Variants in ACSS2 observed in about 807,000 individuals in gnomAD.
ACSS2 encodes acyl-CoA synthetase short chain family member 2.
In ACSS2, 58 loss-of-function variants were observed where a neutral mutation model predicts 90.6. The observed-to-expected ratio is 0.64, with a 90% CI of 0.52 to 0.80. ACSS2 has a LOEUF of 0.80. Ranked by LOEUF, ACSS2 falls within the 30% of genes least tolerant of loss-of-function variation. The pLI, the probability that ACSS2 is intolerant of heterozygous loss-of-function variation, is 0.00. For synonymous variants in ACSS2, 300 were observed against 330.9 expected (o/e 0.91, Z 1.01); for missense variants, 759 against 912.0 (o/e 0.83, Z 2.16).
chr20:34,906,117 C>T (rs536396774), intron 2 of ACSS2, among the ~76,000 whole-genome samples: 29 of 152,262 alleles, frequency 1.9e-4, no homozygotes, highest in Non-Finnish European at 2.6e-4. Flanking sequence ...GGGTGGATCA[C>T]AAGGTCAAGA....
upstream of ACSS2, chr20:34,875,280 G>A: frequency 2.2e-6 from 1 of 458,410 alleles, no homozygotes; most frequent in South Asian, 1.6e-5. Flanking sequence ...GGAAAGAAGA[G>A]AATGTGGGCC....
Position 34,913,766 on chromosome 20 carries a change from C to A in ACSS2, c.584C>A (p.Ser195Tyr), listed in dbSNP as rs371982555. 2.5e-6 allele frequency: 4 copies of A among 1,614,128 alleles called. No individual in the cohort carries two copies. Among genetic ancestry groups the A allele is most frequent in the Non-Finnish European group, 3.4e-6 (4 of 1,179,990 alleles). ...ALHSIVFAGF[S>Y]SESLCERILD... ...TCCCTTCCCTAGTTTGCAGGCTTCT[C>A]TTCAGAGTCTCTATGTGAACGGATC... Residue 195 changes from serine to tyrosine, a missense_variant, in exon 5 of 18, where the codon TCT becomes TAT. Coordinates refer to ENST00000360596, the MANE Select transcript of ACSS2 (RefSeq NM_018677.4).
At chr20:34,877,797 C>T (rs1285498139) in intron 1 of ACSS2, among the ~76,000 whole-genome samples, 5 of 120,450 alleles carry the variant, frequency 4.2e-5, no homozygotes, top group Non-Finnish European at 7.9e-5. Flanking sequence ...CCAGCCTGGG[C>T]GACAGAGCAA....
chr20:34,879,520 C>CACACAT (rs1396824923), intron 1 of ACSS2, among the ~76,000 whole-genome samples: 5 of 106,906 alleles, frequency 4.7e-5, no homozygotes, highest in African/African-American at 2.4e-4. Flanking sequence ...CACACACACA[C>CACACAT]ACACACACCC....
Position 34,925,737 on chromosome 20 carries a change from G to C in ACSS2, c.1697G>C (p.Gly566Ala). The C allele has an allele frequency of 6.2e-7, 1 of 1,613,572 alleles. No individual in the cohort carries two copies. The highest frequency in any genetic ancestry group is 8.5e-7 in the Non-Finnish European group (1 of 1,179,830). The change falls in exon 15 of 18, where the codon GGC becomes GCC. Residue 566 changes from glycine to alanine, a missense_variant. Physicochemically the swap from Gly to Ala is moderately conservative, Grantham distance 60 (BLOSUM62 0). Coordinates refer to ENST00000360596, the MANE Select transcript of ACSS2 (RefSeq NM_018677.4). ...RDQDGYYWIT[G>A]RIDDMLNVSG... is the part of the protein sequence containing the mutation. ...CAGGATGGCTATTACTGGATCACTG[G>C]CAGGATTGATGACATGCTCAATGTA...
chr20:34,899,466 CCTTTCTTTT>C (rs2080585831), intron 2 of ACSS2, among the ~76,000 whole-genome samples: 5 of 136,286 alleles, frequency 3.7e-5, no homozygotes, highest in East Asian at 2.1e-4. Flanking sequence ...TTCCTTCCTT[CCTTTCTTTT>C]TCTTTCTTTT....
At chr20:34,910,532 G>A (rs111824417) in intron 2 of ACSS2, among the ~76,000 whole-genome samples, 3 of 152,148 alleles carry the variant, frequency 2.0e-5, no homozygotes, top group South Asian at 2.1e-4. Context: ...GCATGTGCCC[G>A]TAGTCCCAGC....
Position 34,927,294 on chromosome 20 carries a change from GCC to G in ACSS2, c.*81_*82del, listed in dbSNP as rs2081341990. 1.3e-6 allele frequency: 2 copies of G among 1,578,900 alleles called. No homozygotes were observed. Among genetic ancestry groups the G allele is most frequent in the African/African-American group, 2.7e-5 (2 of 74,406 alleles). On this transcript the variant is annotated 3_prime_UTR_variant, in exon 18 of 18. Transcript: ENST00000360596. The surrounding 1 kb of genome is among the most constrained non-coding windows in gnomAD (Gnocchi z 4.2). The stretch of plus-strand genomic sequence containing the variant: ...CTTTGCCCCCTCAGGAGTGCTGAGG[GCC>G]AGTGTTGACCCACACTACCCTCCCT...
Position 34,904,251 on chromosome 20 carries a change from T to A in ACSS2, c.375-8845T>A, listed in dbSNP as rs577902836. Reference sequence around the variant, plus strand: ...GCAGGGAGTATTTTTTTTTTTTTAATGTGGTGATCAAAGATAACCTTACTG... The same window carrying A: ...GCAGGGAGTATTTTTTTTTTTTTAAAGTGGTGATCAAAGATAACCTTACTG... On this transcript the variant is annotated intron_variant, in intron 2 of 17. Transcript: ENST00000360596. Among the ~76,000 whole-genome samples, 17 of 151,736 alleles carry A rather than the reference T, an allele frequency of 1.1e-4. No homozygotes were observed. The East Asian group carries it at 3.1e-3, about 28-fold the overall frequency.
intron 4 of ACSS2, 125 bp downstream of exon 4, chr20:34,913,621 T>TCCC: frequency 2.4e-6 from 3 of 1,246,382 alleles, no homozygotes; most frequent in South Asian, 1.3e-5. Flanking sequence ...GTGTCATAGG[T>TCCC]CCATATTAGT....
rs11467604 is a variant in ACSS2 at position 34,879,496 on chromosome 20, GAC to G, written c.178+2704_178+2705del. On this transcript the variant is annotated intron_variant, in intron 1 of 17. Transcript: ENST00000360596. Reference sequence around the variant, plus strand: ...AAACTATGCCACTCATCCAGATTCTGACACACACACACACACACACACACACA... The same window carrying G: ...AAACTATGCCACTCATCCAGATTCTGACACACACACACACACACACACACA... 4.1e-3 allele frequency among the ~76,000 whole-genome samples: 611 copies of G among 147,866 alleles called. 5 individuals carry two copies. Among genetic ancestry groups the G allele is most frequent in the African/African-American group, 0.012 (489 of 39,880 alleles).
chr20:34,908,270 C>T (rs1348363316), intron 2 of ACSS2, among the ~76,000 whole-genome samples: 1 of 152,202 alleles, frequency 6.6e-6, no homozygotes, highest in Non-Finnish European at 1.5e-5. Flanking sequence ...CAGTAAAATT[C>T]AAACTTCTTA....
At chr20:34,885,012 C>A (rs2080155743) in intron 2 of ACSS2, among the ~76,000 whole-genome samples, 2 of 152,072 alleles carry the variant, frequency 1.3e-5, no homozygotes, top group South Asian at 4.1e-4. Context: ...CCAGCCTGGG[C>A]AACATGGCAA....
intron 7 of ACSS2, among the ~76,000 whole-genome samples, chr20:34,915,730 T>C (rs918128782): frequency 6.6e-6 from 1 of 152,186 alleles, no homozygotes; most frequent in Non-Finnish European, 1.5e-5. Context: ...ATTTATATAG[T>C]GCTTTGGGAT....
At chr20:34,920,866 A>T in intron 9 of ACSS2, 140 bp from the exon 10 acceptor site, 1 of 1,489,178 alleles carries the variant, frequency 6.7e-7, no homozygotes. Flanking sequence ...CCTGACTAGG[A>T]TGGTATCTTG....
intron 10 of ACSS2, 44 bp from the exon 11 acceptor site, chr20:34,921,286 C>T (rs1294352890): frequency 1.2e-6 from 2 of 1,612,130 alleles, no homozygotes; most frequent in Non-Finnish European, 1.7e-6. Flanking sequence ...GTGTGTCTTC[C>T]AGTAGTACTC....
chr20:34,924,420 A>G (rs547335624), intron 14 of ACSS2, among the ~76,000 whole-genome samples: 2 of 152,356 alleles, frequency 1.3e-5, no homozygotes, highest in Non-Finnish European at 2.9e-5. Context: ...TCGTCGGAGA[A>G]GACTTCTCTG....
intron 2 of ACSS2, chr20:34,912,604 A>G (rs1205076470): frequency 6.0e-6 from 1 of 166,918 alleles, no homozygotes; most frequent in Non-Finnish European, 1.3e-5. Context: ...ATCCCCTACT[A>G]ATTCCTTGTA....
chr20:34,876,297 G>T (rs1360860264), upstream of ACSS2: 1 of 213,056 alleles, frequency 4.7e-6, no homozygotes, highest in Non-Finnish European at 9.2e-6. Flanking sequence ...CTCCTGTCCC[G>T]CCTGGCCCCG....
Sources: gnomAD v4.1 joint callset for allele counts (sites outside exome capture counted in the v4.1 genomes callset) on GRCh38, gnomAD v4.1.1 for gene constraint, Gnocchi (gnomAD v3.1) non-coding constraint, MANE v1.5 for transcripts, NCBI Gene and HGNC (gene_info 2026-07-23, HGNC 2026-07-21) for gene names.